The following NARS1 variants were observed in gnomAD, a reference collection of about 807,000 sequenced individuals.
NARS1 encodes the protein asparaginyl-tRNA synthetase 1.
Under a neutral mutation model 79.2 loss-of-function variants are expected in NARS1, and 65 were observed. That is an observed-to-expected ratio of 0.82 (90% CI 0.67 to 1.01). NARS1 has a LOEUF of 1.01. Among genes scored for constraint, NARS1 ranks in the 50% least tolerant of loss-of-function variants. NARS1 has a pLI of 0.00. For missense variants in NARS1, 649 were observed against 673.8 expected (o/e 0.96, Z 0.41); for synonymous variants, 229 against 238.8 (o/e 0.96, Z 0.38).
chr18:57,608,617 G>A (rs972831408), intron 7 of NARS1, among the ~76,000 whole-genome samples: 6 of 152,082 alleles, frequency 3.9e-5, no homozygotes, highest in African/African-American at 1.4e-4. Flanking sequence ...CCGTAAGGCT[G>A]GAAATCATTG....
chr18:57,606,088 C>A, intron 10 of NARS1, 118 bp from the exon 11 acceptor site: 1 of 599,950 alleles, frequency 1.7e-6, no homozygotes, highest in Non-Finnish European at 2.8e-6. Context: ...GTGGCTCATG[C>A]CTGTAATCCC....
intron 2 of NARS1, 33 bp downstream of exon 2, chr18:57,620,536 C>T (rs1471732442): frequency 1.5e-6 from 2 of 1,355,624 alleles, no homozygotes; most frequent in Non-Finnish European, 1.0e-6. Flanking sequence ...TTAATAAATG[C>T]AGTCTCATTT....
At chr18:57,618,382 T>C (rs1343881944) in intron 2 of NARS1, among the ~76,000 whole-genome samples, 3 of 152,102 alleles carry the variant, frequency 2.0e-5, no homozygotes, top group Non-Finnish European at 4.4e-5. Context: ...AATTCACTTA[T>C]TACCCGACAA....
intron 11 of NARS1, among the ~76,000 whole-genome samples, chr18:57,603,695 A>G (rs191429858): frequency 6.6e-6 from 1 of 152,348 alleles, no homozygotes; most frequent in East Asian, 1.9e-4. Context: ...GATTTGTTTA[A>G]TGAAGAAGTG....
chr18:57,621,332 C>T (rs773998711), intron 1 of NARS1, among the ~76,000 whole-genome samples: 1 of 149,182 alleles, frequency 6.7e-6, no homozygotes, highest in African/African-American at 2.5e-5. Flanking sequence ...GGGAGAAAAA[C>T]AACTAGAATC....
chr18:57,618,985 A>G (rs1157912051), intron 2 of NARS1, among the ~76,000 whole-genome samples: 1 of 152,226 alleles, frequency 6.6e-6, no homozygotes, highest in Non-Finnish European at 1.5e-5. Flanking sequence ...TATGACCTAA[A>G]AGAGAGGAGA....
At chr18:57,603,084 T>C (rs554635379) in intron 11 of NARS1, 141 bp from the exon 12 acceptor site, 1 of 633,488 alleles carries the variant, frequency 1.6e-6, no homozygotes, top group Non-Finnish European at 2.6e-6. Flanking sequence ...CCATACACAT[T>C]TGTGTAAAGA....
chr18:57,615,485 G>C (rs1027143205), intron 4 of NARS1, among the ~76,000 whole-genome samples, 156 bp downstream of exon 4: 1 of 152,146 alleles, frequency 6.6e-6, no homozygotes, highest in African/African-American at 2.4e-5. Context: ...CTGGGCGACA[G>C]AGCAAGACTC....
chr18:57,606,902 C>T, intron 9 of NARS1, 151 bp from the exon 10 acceptor site: 1 of 988,474 alleles, frequency 1.0e-6, no homozygotes, highest in Non-Finnish European at 1.5e-6. Flanking sequence ...CCCTCTTCTC[C>T]ACTGAGTAGC....
intron 6 of NARS1, among the ~76,000 whole-genome samples, chr18:57,610,965 CTTT>C (rs773482503): frequency 7.9e-6 from 1 of 126,164 alleles, no homozygotes; most frequent in Admixed American, 8.3e-5. Context: ...TGACTATTAT[CTTT>C]TTTTTTTTTT....
At chr18:57,610,073 C>T (rs947103159) in intron 6 of NARS1, among the ~76,000 whole-genome samples, 8 of 147,134 alleles carry the variant, frequency 5.4e-5, no homozygotes, top group African/African-American at 1.8e-4. Context: ...CATACAGAGC[C>T]CATCTACACT....
Position 57,621,559 on chromosome 18 carries a change from ACCCTCCCT to A in NARS1, c.10+141_10+148del, listed in dbSNP as rs149066883. On this transcript the variant is annotated intron_variant, in intron 1 of 13. Transcript: ENST00000256854. ...AGTCCCGGGCCCAGCAAAGGCCAGC[ACCCTCCCT>A]CCCTCCCTCCCTGCAATCGGTCCCC... The A allele has an allele frequency of 1.9e-4, 73 of 377,424 alleles. 19 individuals carry two copies. In the East Asian group the frequency reaches 5.1e-3, roughly 26 times the overall value. 23.4% of individuals were successfully genotyped at this position (377,424 alleles called of 1,614,324 possible). A position where few individuals can be genotyped will look rare whatever the true frequency, so the allele number is the denominator to read the frequency against.
Position 57,602,793 on chromosome 18 carries a change from CTT to C in NARS1, c.1383+17_1383+18del. On this transcript the variant is annotated intron_variant, in intron 12 of 13. Transcript: ENST00000256854. ...CTTAAAAAGCAAAATTATTAATACT[CTT>C]TGAAACAGAAACTGACAGATTCAGT... is the stretch of plus-strand genomic sequence containing the variant. 1 of 1,613,220 alleles carries C rather than the reference CTT, an allele frequency of 6.2e-7. No homozygotes were observed. Among genetic ancestry groups the C allele is most frequent in the Non-Finnish European group, 8.5e-7 (1 of 1,179,588 alleles).
chr18:57,614,326 C>T (rs2051629515), intron 4 of NARS1, among the ~76,000 whole-genome samples: 2 of 152,034 alleles, frequency 1.3e-5, no homozygotes. Flanking sequence ...CACGGTGAAA[C>T]CCCATCTCTA....
chr18:57,617,339 G>A (rs954248214), intron 2 of NARS1, among the ~76,000 whole-genome samples: 19 of 151,986 alleles, frequency 1.3e-4, no homozygotes, highest in African/African-American at 2.7e-4. Context: ...TTGTGAGGCC[G>A]AGGTGGGCGG....
At position 57,615,954 on chromosome 18, in the gene NARS1, C is replaced by A. The variant is rs1434000917; in HGVS notation, c.115G>T (p.Glu39Ter). 1 of 1,610,498 alleles carries A rather than the reference C, an allele frequency of 6.2e-7. No individual in the cohort carries two copies. The highest frequency in any genetic ancestry group is 8.5e-7 in the Non-Finnish European group (1 of 1,178,580). Residue 39 changes from glutamate (E) to a stop codon, truncating the protein, a stop_gained, in exon 3 of 14, where the codon GAA becomes TAA. Transcript: ENST00000256854. LOFTEE classifies it high-confidence loss of function. ...GLKALMTVGK[E>*]PFPTIYVDSQ... ...TCTACGTAAATGGTAGGAAATGGTTCTTTCCCTACTGTCATCAAAGCCTTG... is the reference window on the plus strand; with the variant it reads ...TCTACGTAAATGGTAGGAAATGGTTATTTCCCTACTGTCATCAAAGCCTTG...
At chr18:57,620,518 A>G in intron 2 of NARS1, 51 bp downstream of exon 2, 2 of 1,260,328 alleles carry the variant, frequency 1.6e-6, no homozygotes, top group Non-Finnish European at 2.3e-6. Context: ...GAAAATTGAC[A>G]TAACTCATTA....
intron 2 of NARS1, 81 bp downstream of exon 2, chr18:57,620,488 A>C (rs1908252634): frequency 2.2e-6 from 2 of 920,568 alleles, no homozygotes; most frequent in East Asian, 4.9e-5. Context: ...GTTTGAAATT[A>C]AGTTCTTGGC....
chr18:57,608,374 T>C (rs1033377925), intron 7 of NARS1, among the ~76,000 whole-genome samples: 1 of 140,932 alleles, frequency 7.1e-6, no homozygotes, highest in Non-Finnish European at 1.5e-5. Flanking sequence ...GAGGCAGAGG[T>C]TGTGGTGAGT....
Sources: allele counts gnomAD v4.1 joint callset (sites outside exome capture counted in the v4.1 genomes callset), GRCh38; gene constraint gnomAD v4.1.1; transcripts MANE v1.5; gene names NCBI Gene and HGNC (gene_info 2026-07-23, HGNC 2026-07-21).